The following FILIP1 variants were observed in gnomAD, a reference collection of about 807,000 sequenced individuals.
The protein encoded by FILIP1 is filamin A interacting protein 1.
FILIP1 carries 61 observed loss-of-function variants against 102.1 expected under a neutral mutation model. The observed-to-expected ratio is 0.60, with a 90% CI of 0.49 to 0.74. The LOEUF is 0.74. FILIP1 is among the 30% of genes least tolerant of loss of function. The pLI is 0.00. For missense variants in FILIP1, 1,314 were observed against 1,441.2 expected, an observed-to-expected ratio of 0.91 and a Z score of 1.43; for synonymous variants, 491 against 526.9, an observed-to-expected ratio of 0.93 and a Z score of 0.93.
intron 2 of FILIP1, among the ~76,000 whole-genome samples, chr6:75,380,972 G>A (rs1019666929): frequency 1.3e-5 from 2 of 151,978 alleles, no homozygotes; most frequent in Non-Finnish European, 2.9e-5. Context: ...TTTCAAACTT[G>A]TTTTTGTCCT....
rs185605342 is a variant in FILIP1 at position 75,356,676 on chromosome 6, C to T, written c.451-2959G>A. ...TAGAGACGGGGTTTCACCATGTTGG[C>T]CAGGCTGGTCTTGAACTCCTGACCT... is the stretch of plus-strand genomic sequence containing the variant. On this transcript the variant is annotated intron_variant, in intron 3 of 5. Coordinates refer to ENST00000237172, the MANE Select transcript of FILIP1 (RefSeq NM_015687.5). Among the ~76,000 whole-genome samples the T allele has an allele frequency of 1.6e-3, 248 of 152,134 alleles. 2 individuals are homozygous for T. The highest frequency in any genetic ancestry group is 5.8e-3 in the African/African-American group (241 of 41,514).
chr6:75,486,938 G>A (rs568940515), intron 1 of FILIP1, among the ~76,000 whole-genome samples: 2 of 152,144 alleles, frequency 1.3e-5, no homozygotes, highest in South Asian at 4.1e-4. Context: ...TGTAGAAGTT[G>A]GGGATGTCTT....
intron 4 of FILIP1, among the ~76,000 whole-genome samples, chr6:75,328,807 A>C (rs577625244): frequency 1.1e-4 from 16 of 151,922 alleles, no homozygotes; most frequent in Non-Finnish European, 2.2e-4. Context: ...TTTTTAAAAA[A>C]TCTCCTTTGT....
At chr6:75,382,566 G>A (rs376203487) in intron 2 of FILIP1, among the ~76,000 whole-genome samples, 64 of 152,292 alleles carry the variant, frequency 4.2e-4, no homozygotes, top group African/African-American at 1.5e-3. Flanking sequence ...TTCTTAAACT[G>A]TTAAAGAGAC....
At chr6:75,408,400 C>T (rs1776944678) in intron 2 of FILIP1, among the ~76,000 whole-genome samples, 1 of 152,186 alleles carries the variant, frequency 6.6e-6, no homozygotes, top group South Asian at 2.1e-4. Context: ...TAATACATAT[C>T]CATTAAAGGT....
chr6:75,360,364 T>A (rs191290908), intron 3 of FILIP1, among the ~76,000 whole-genome samples: 1 of 152,364 alleles, frequency 6.6e-6, no homozygotes, highest in East Asian at 1.9e-4. Context: ...TGTGTCCTAA[T>A]AATTCTTTAG....
In FILIP1 at chr6:75,482,558, CT is replaced by C. The variant is rs1415765223; in HGVS notation, c.-7+10855del. Among the ~76,000 whole-genome samples, 4 of 152,326 alleles carry C rather than the reference CT, an allele frequency of 2.6e-5. No homozygotes were observed. The East Asian group carries it at 7.7e-4, about 29-fold the overall frequency. ...TGTATTTTAAAGTAAGAATTCTAGT[CT>C]GTTAATGGAAATATGTATGCATCAT... On this transcript the variant is annotated intron_variant, in intron 1 of 5. Coordinates refer to ENST00000237172, the MANE Select transcript of FILIP1 (RefSeq NM_015687.5).
At chr6:75,345,743 C>T (rs1252439932) in intron 4 of FILIP1, among the ~76,000 whole-genome samples, 1 of 152,152 alleles carries the variant, frequency 6.6e-6, no homozygotes, top group Non-Finnish European at 1.5e-5. Context: ...CTCTCTCCCA[C>T]AAAGAGAGAG....
intron 2 of FILIP1, among the ~76,000 whole-genome samples, chr6:75,368,660 C>G (rs973811912): frequency 8.6e-5 from 13 of 151,960 alleles, no homozygotes; most frequent in Non-Finnish European, 1.5e-4. Flanking sequence ...ATACTTGAGC[C>G]ACAGAAAGAA....
chr6:75,464,168 T>A lies in FILIP1; in HGVS notation c.-7+29246A>T, dbSNP rs16886654. On this transcript the variant is annotated intron_variant, in intron 1 of 5. Transcript: ENST00000237172. ...CACAATTTTGATTAACTTGTTTTTA[T>A]AGACTCAGGCCTAATACTCAAGTAC... Among the ~76,000 whole-genome samples the A allele has an allele frequency of 7.0e-3, 1,063 of 152,348 alleles. 15 individuals are homozygous for A. The highest frequency in any genetic ancestry group is 0.069 in the East Asian group (358 of 5,184).
downstream of FILIP1, among the ~76,000 whole-genome samples, chr6:75,303,901 A>G (rs73751108): frequency 0.025 from 3,859 of 152,202 alleles, 184 homozygotes; most frequent in African/African-American, 0.088. Context: ...AACATAGGCA[A>G]AAGGGCAACA....
At chr6:75,366,333 T>A (rs1176150425) in intron 2 of FILIP1, among the ~76,000 whole-genome samples, 2 of 152,204 alleles carry the variant, frequency 1.3e-5, no homozygotes. Flanking sequence ...GTACTGCTGG[T>A]TTGCACAAGT....
intron 1 of FILIP1, among the ~76,000 whole-genome samples, chr6:75,426,809 C>T (rs1777642340): frequency 1.3e-5 from 2 of 152,050 alleles, no homozygotes; most frequent in Non-Finnish European, 2.9e-5. Context: ...GCATGTGACC[C>T]ATTACAGTTA....
chr6:75,380,111 T>C (rs1443456024), intron 2 of FILIP1, among the ~76,000 whole-genome samples: 1 of 152,078 alleles, frequency 6.6e-6, no homozygotes, highest in East Asian at 1.9e-4. Context: ...CATGGGTAGT[T>C]ATCTGACTTC....
At chr6:75,316,669 G>C (rs987708628) in intron 4 of FILIP1, among the ~76,000 whole-genome samples, 2 of 152,112 alleles carry the variant, frequency 1.3e-5, no homozygotes, top group African/African-American at 4.8e-5. Flanking sequence ...TATAAAGCAT[G>C]ATTGTGTCTC....
intron 1 of FILIP1, among the ~76,000 whole-genome samples, chr6:75,427,087 G>A (rs1439869242): frequency 6.6e-6 from 1 of 152,230 alleles, no homozygotes; most frequent in Admixed American, 6.5e-5. Flanking sequence ...AAGGAGGAGA[G>A]CTTGGGAGAA....
chr6:75,324,907 C>T (rs1449139454), intron 4 of FILIP1, among the ~76,000 whole-genome samples: 2 of 152,158 alleles, frequency 1.3e-5, no homozygotes, highest in Non-Finnish European at 2.9e-5. Flanking sequence ...GAAACTTGAT[C>T]CTCATCTCAC....
At position 75,313,743 on chromosome 6, in the gene FILIP1, C is replaced by T. The variant is rs747481132; in HGVS notation, c.2089G>A (p.Gly697Ser). Residue 697 changes from glycine (G) to serine (S), a missense_variant, in exon 5 of 6, where the codon GGT becomes AGT. Gly to Ser is a moderately conservative substitution (Grantham distance 56). Coordinates refer to ENST00000237172, the MANE Select transcript of FILIP1 (RefSeq NM_015687.5). This position sits in a 1 kb window ranked among gnomAD's most constrained non-coding sequence, Gnocchi z 4.2. ...TCAGCTTCCTGGCTCACAACCTCAC[C>T]CTTCTCTATTGCTTTATTCTTGGCA... Reference protein sequence around the residue: ...QIAKNKAIEKGEVVSQEAELR... With the variant: ...QIAKNKAIEKSEVVSQEAELR... 5.1e-6 allele frequency: 8 copies of T among 1,580,088 alleles called. No individual in the cohort carries two copies. In the South Asian group the frequency reaches 7.2e-5, roughly 14 times the overall value.
At chr6:75,429,942 G>A (rs1305169718) in intron 1 of FILIP1, among the ~76,000 whole-genome samples, 1 of 152,176 alleles carries the variant, frequency 6.6e-6, no homozygotes, top group East Asian at 1.9e-4. Flanking sequence ...AATAAAACAT[G>A]TTGCTTTCCT....
Sources: gnomAD v4.1 joint callset for allele counts (sites outside exome capture counted in the v4.1 genomes callset) on GRCh38, gnomAD v4.1.1 for gene constraint, Gnocchi (gnomAD v3.1) non-coding constraint, MANE v1.5 for transcripts, NCBI Gene and HGNC (gene_info 2026-07-23, HGNC 2026-07-21) for gene names.